ADCK1: variants seen among roughly 807,000 people sequenced by gnomAD.
ADCK1 encodes the protein aarF domain containing kinase 1, also known as aarF domain-containing protein kinase 1.
ADCK1 carries 41 observed loss-of-function variants against 52.3 expected under a neutral mutation model. The observed-to-expected ratio is 0.78, with a 90% CI of 0.61 to 1.02. The LOEUF (loss-of-function observed/expected upper bound fraction) is 1.02, where lower values mean the gene tolerates loss of function less well. ADCK1 is among the 50% of genes least tolerant of loss of function. The pLI is 0.00. For missense variants in ADCK1, 658 were observed against 679.5 expected (o/e 0.97, Z 0.35); for synonymous variants, 250 against 274.6 (o/e 0.91, Z 0.89).
intron 5 of ADCK1, among the ~76,000 whole-genome samples, chr14:77,892,850 T>C (rs1489307288): frequency 6.6e-6 from 1 of 152,148 alleles, no homozygotes; most frequent in South Asian, 2.1e-4. Context: ...ATGGGGGAGA[T>C]GGCTGTTGGT....
chr14:77,810,123 CT>C (rs1262421921), intron 1 of ADCK1, among the ~76,000 whole-genome samples: 11 of 148,244 alleles, frequency 7.4e-5, no homozygotes, highest in South Asian at 6.5e-4. Flanking sequence ...CAGTTAATTA[CT>C]TTTTTTTTTC....
intron 4 of ADCK1, among the ~76,000 whole-genome samples, chr14:77,877,778 A>AT (rs1291829426): frequency 6.6e-6 from 1 of 151,930 alleles, no homozygotes; most frequent in Non-Finnish European, 1.5e-5. Flanking sequence ...TTAGTTTTTT[A>AT]TTTTTTTGTA....
At chr14:77,825,306 G>A (rs1292420692) in intron 3 of ADCK1, among the ~76,000 whole-genome samples, 1 of 152,192 alleles carries the variant, frequency 6.6e-6, no homozygotes, top group African/African-American at 2.4e-5. Flanking sequence ...TACCTTTGGG[G>A]AGGTCCCAGA....
intron 3 of ADCK1, among the ~76,000 whole-genome samples, chr14:77,833,547 G>A (rs899459970): frequency 2.0e-5 from 3 of 152,198 alleles, no homozygotes; most frequent in Non-Finnish European, 4.4e-5. Context: ...GGGAGACAGA[G>A]TCTGTGAGTC....
At chr14:77,919,893 T>G (rs907219621) in intron 7 of ADCK1, among the ~76,000 whole-genome samples, 3 of 152,226 alleles carry the variant, frequency 2.0e-5, no homozygotes, top group Non-Finnish European at 1.5e-5. Context: ...TTTTGAGAAT[T>G]GTCTATTCAT....
Position 77,899,216 on chromosome 14 carries a change from T to C in ADCK1, c.699T>C (p.Ala233=), listed in dbSNP as rs199665855. The change falls in exon 6 of 11, where the codon GCT becomes GCC. Residue 233 remains alanine (A), a synonymous_variant. Coordinates refer to ENST00000238561, the MANE Select transcript of ADCK1 (RefSeq NM_020421.4). ...ELDFLNEGRN[A]EKVSQMLRHF... is the part of the protein sequence containing the mutation. Reference sequence around the variant, plus strand: ...ATTTCCTCAATGAAGGGAGGAATGCTGAGAAGGTGTCCCAGATGCTCAGGC... The same window carrying C: ...ATTTCCTCAATGAAGGGAGGAATGCCGAGAAGGTGTCCCAGATGCTCAGGC... 9 of 1,614,196 alleles carry C rather than the reference T, an allele frequency of 5.6e-6. No homozygotes were observed. In the East Asian group the frequency reaches 2.0e-4, roughly 36 times the overall value.
chr14:77,842,892 CTTTTT>C (rs113174346), intron 3 of ADCK1, among the ~76,000 whole-genome samples: 1 of 122,660 alleles, frequency 8.2e-6, no homozygotes, highest in Non-Finnish European at 1.8e-5. Context: ...TTCTTTCTTT[CTTTTT>C]TTTTTTTTTT....
At chr14:77,902,716 A>G (rs1228757027) in intron 6 of ADCK1, 1 of 152,218 alleles carries the variant, frequency 6.6e-6, no homozygotes, top group East Asian at 1.9e-4. Flanking sequence ...CCCAAGAGGA[A>G]GTACGTAATT....
chr14:77,811,997 T>C (rs1331308341), intron 1 of ADCK1, among the ~76,000 whole-genome samples: 1 of 152,222 alleles, frequency 6.6e-6, no homozygotes, highest in East Asian at 1.9e-4. Context: ...TTTCCAGCTT[T>C]ATTGAGGTGT....
chr14:77,835,501 T>TTATGTC (rs2081941881), intron 3 of ADCK1, among the ~76,000 whole-genome samples: 1 of 152,220 alleles, frequency 6.6e-6, no homozygotes, highest in African/African-American at 2.4e-5. Flanking sequence ...AGAAGAGATT[T>TTATGTC]TATGTCTGTC....
At chr14:77,921,207 G>C (rs1368521815) in intron 7 of ADCK1, among the ~76,000 whole-genome samples, 6 of 150,012 alleles carry the variant, frequency 4.0e-5, no homozygotes, top group Non-Finnish European at 7.4e-5. Context: ...GGCACCTGTA[G>C]TCCCAGCTAC....
At chr14:77,805,227 A>AT (rs1312753726) in intron 1 of ADCK1, among the ~76,000 whole-genome samples, 2 of 149,666 alleles carry the variant, frequency 1.3e-5, no homozygotes, top group Non-Finnish European at 3.0e-5. Flanking sequence ...AAAAAAAAAA[A>AT]AAGAGTCATT....
At chr14:77,836,030 G>A (rs2081952650) in intron 3 of ADCK1, among the ~76,000 whole-genome samples, 1 of 152,220 alleles carries the variant, frequency 6.6e-6, no homozygotes, top group Non-Finnish European at 1.5e-5. Context: ...GTGTTGAGAA[G>A]TAGGACCTTC....
intron 4 of ADCK1, among the ~76,000 whole-genome samples, chr14:77,871,197 G>A (rs2082769220): frequency 6.6e-6 from 1 of 152,212 alleles, no homozygotes; most frequent in Admixed American, 6.5e-5. Flanking sequence ...GGTTCAGGAA[G>A]GGGGAGGCAG....
intron 4 of ADCK1, among the ~76,000 whole-genome samples, chr14:77,873,382 T>C (rs1314901348): frequency 6.6e-6 from 1 of 152,216 alleles, no homozygotes; most frequent in Non-Finnish European, 1.5e-5. Flanking sequence ...TGGGAGGCCC[T>C]GTTCAAGGGG....
intron 7 of ADCK1, chr14:77,924,152 C>T (rs879204894): frequency 6.4e-5 from 17 of 264,358 alleles, no homozygotes; most frequent in African/African-American, 3.4e-4. Context: ...AGTCGGGGGG[C>T]GGGTGTGGGA....
chr14:77,811,826 C>T (rs1358236489), intron 1 of ADCK1, among the ~76,000 whole-genome samples: 1 of 151,750 alleles, frequency 6.6e-6, no homozygotes, highest in Non-Finnish European at 1.5e-5. Flanking sequence ...ACAACAACAG[C>T]AAGAAAAACA....
chr14:77,891,208 C>T (rs923394409), intron 5 of ADCK1, among the ~76,000 whole-genome samples: 1 of 152,284 alleles, frequency 6.6e-6, no homozygotes, highest in South Asian at 2.1e-4. Context: ...AGGTTTGGAA[C>T]AGCTACTGTG....
chr14:77,908,000 G>A, intron 7 of ADCK1, 81 bp downstream of exon 7: 1 of 1,178,502 alleles, frequency 8.5e-7, no homozygotes, highest in Non-Finnish European at 1.3e-6. Flanking sequence ...GTGTGTCCAG[G>A]TGAGGCCTCA....
Sources: gnomAD v4.1 joint callset for allele counts (sites outside exome capture counted in the v4.1 genomes callset) on GRCh38, gnomAD v4.1.1 for gene constraint, MANE v1.5 for transcripts, NCBI Gene and HGNC (gene_info 2026-07-23, HGNC 2026-07-21) for gene names.